CREB5: variants seen among roughly 807,000 people sequenced by gnomAD.
The protein encoded by CREB5 is cyclic AMP-responsive element-binding protein 5.
CREB5 carries 19 observed loss-of-function variants against 57.1 expected under a neutral mutation model. The ratio of observed to expected loss-of-function variants is 0.33; its 90% confidence interval spans 0.23 to 0.49. The LOEUF is 0.49. Among genes scored for constraint, CREB5 ranks in the 20% least tolerant of loss-of-function variants. The pLI, the probability that CREB5 is intolerant of heterozygous loss-of-function variation, is 0.99. For synonymous variants in CREB5, 238 were observed against 238.3 expected (o/e 1.00, Z 0.01); for missense variants, 579 against 671.6 (o/e 0.86, Z 1.52).
In CREB5 at chr7:28,550,440, C is replaced by A. The variant is rs555083716; in HGVS notation, c.292-19925C>A. Among the ~76,000 whole-genome samples the A allele has an allele frequency of 7.5e-4, 114 of 152,290 alleles. 1 individual carries two copies. In the Middle Eastern group the frequency reaches 0.017, roughly 23 times the overall value. ...GAGCAATGCCTGGTTGTGGAGGGGG[C>A]TGAAAGAGAAGTTGGACTCAAAATG... On this transcript the variant is annotated intron_variant, in intron 4 of 10. Transcript: ENST00000357727.
At chr7:28,680,870 A>C (rs1236094155) in intron 5 of CREB5, among the ~76,000 whole-genome samples, 1 of 151,940 alleles carries the variant, frequency 6.6e-6, no homozygotes, top group African/African-American at 2.4e-5. Context: ...AACTGACATC[A>C]CCTTTCTTTG....
chr7:28,300,710 G>A (rs1294555136), intron 1 of CREB5, among the ~76,000 whole-genome samples: 2 of 152,196 alleles, frequency 1.3e-5, no homozygotes, highest in African/African-American at 2.4e-5. Context: ...CATTTCACAC[G>A]GAGTTAGGGA....
At chr7:28,483,619 C>T (rs1352150900) in intron 1 of CREB5, among the ~76,000 whole-genome samples, 1 of 152,126 alleles carries the variant, frequency 6.6e-6, no homozygotes, top group African/African-American at 2.4e-5. Flanking sequence ...ATGACAGTGT[C>T]TAACCAAAGG....
At chr7:28,655,926 T>A (rs559758461) in intron 5 of CREB5, among the ~76,000 whole-genome samples, 145 of 152,304 alleles carry the variant, frequency 9.5e-4, no homozygotes, top group Non-Finnish European at 1.4e-3. Context: ...ATAACAGGAT[T>A]TAATTAATCC....
intron 5 of CREB5, among the ~76,000 whole-genome samples, chr7:28,583,647 C>T (rs1259571433): frequency 1.3e-5 from 2 of 152,106 alleles, no homozygotes; most frequent in Admixed American, 6.6e-5. Context: ...TGGGCAGAGC[C>T]GCCTGTGCTT....
chr7:28,446,067 T>C (rs1208280379), intron 1 of CREB5, among the ~76,000 whole-genome samples: 2 of 152,234 alleles, frequency 1.3e-5, no homozygotes, highest in Non-Finnish European at 2.9e-5. Context: ...AAGTCAACTA[T>C]ACCAGACACC....
At chr7:28,417,775 G>A (rs1450290019) in intron 1 of CREB5, among the ~76,000 whole-genome samples, 1 of 152,142 alleles carries the variant, frequency 6.6e-6, no homozygotes, top group Non-Finnish European at 1.5e-5. Flanking sequence ...AGGGCAGCAA[G>A]CAGTTGTTAC....
At chr7:28,472,226 G>A (rs1790853890) in intron 1 of CREB5, among the ~76,000 whole-genome samples, 1 of 151,110 alleles carries the variant, frequency 6.6e-6, no homozygotes, top group South Asian at 2.1e-4. Flanking sequence ...TCCACATCTT[G>A]TTTTCAAGGT....
chr7:28,430,933 C>A (rs1173660966), intron 1 of CREB5, among the ~76,000 whole-genome samples: 3 of 152,058 alleles, frequency 2.0e-5, no homozygotes, highest in Non-Finnish European at 4.4e-5. Flanking sequence ...CCAGACTCAC[C>A]TGGTATTGCA....
chr7:28,421,926 ATG>A (rs67101965), intron 1 of CREB5, among the ~76,000 whole-genome samples: 130 of 145,134 alleles, frequency 9.0e-4, no homozygotes, highest in East Asian at 3.7e-3. Flanking sequence ...ATGTGTGTGT[ATG>A]TGTATATATA....
intron 3 of CREB5, among the ~76,000 whole-genome samples, chr7:28,495,239 T>C (rs1423152421): frequency 6.6e-6 from 1 of 152,160 alleles, no homozygotes; most frequent in East Asian, 1.9e-4. Flanking sequence ...ATAAGTTGTT[T>C]TAAAAATCAC....
At chr7:28,323,563 T>C (rs1464269616) in intron 1 of CREB5, among the ~76,000 whole-genome samples, 1 of 152,134 alleles carries the variant, frequency 6.6e-6, no homozygotes, top group African/African-American at 2.4e-5. Flanking sequence ...GTACCACTTT[T>C]CGGCTCCTGA....
chr7:28,687,534 C>T (rs1410769035), intron 5 of CREB5, among the ~76,000 whole-genome samples: 4 of 146,026 alleles, frequency 2.7e-5, no homozygotes, highest in Non-Finnish European at 6.0e-5. Flanking sequence ...TTTCTGACAC[C>T]ATCCGGCATT....
chr7:28,776,109 G>A (rs959221086), intron 7 of CREB5, among the ~76,000 whole-genome samples: 16 of 152,056 alleles, frequency 1.1e-4, no homozygotes, highest in African/African-American at 1.4e-4. Context: ...AGGCCGAGGC[G>A]GGCGGATCAT....
chr7:28,350,766 C>T (rs1372935025), intron 1 of CREB5, among the ~76,000 whole-genome samples: 1 of 151,488 alleles, frequency 6.6e-6, no homozygotes, highest in African/African-American at 2.4e-5. Flanking sequence ...GTGTGGGGAG[C>T]TGGAGGAGGA....
intron 1 of CREB5, among the ~76,000 whole-genome samples, chr7:28,342,847 C>T (rs1272711703): frequency 1.3e-5 from 2 of 152,128 alleles, no homozygotes; most frequent in African/African-American, 4.8e-5. Flanking sequence ...GTGTAATGAT[C>T]AAATCAGGGT....
intron 5 of CREB5, among the ~76,000 whole-genome samples, chr7:28,648,821 AC>A: frequency 6.6e-6 from 1 of 152,332 alleles, no homozygotes; most frequent in South Asian, 2.1e-4. Context: ...TCCATAATAT[AC>A]TTAAAGACTC....
At chr7:28,672,985 C>A (rs1368058845) in intron 5 of CREB5, among the ~76,000 whole-genome samples, 1 of 152,054 alleles carries the variant, frequency 6.6e-6, no homozygotes, top group East Asian at 1.9e-4. Flanking sequence ...CCCCTGGACC[C>A]CAGAAACCAC....
chr7:28,682,228 C>T lies in CREB5; in HGVS notation c.465-36525C>T, dbSNP rs1800631699. 7.9e-5 allele frequency among the ~76,000 whole-genome samples: 12 copies of T among 152,334 alleles called. 1 individual carries two copies. In the South Asian group the frequency reaches 2.5e-3, roughly 32 times the overall value. ...CTCTGGGAGCACCTGGAGCTGACTTCAGCAGGGCTGACAATTTAAGCCAGT... is the reference window on the plus strand; with the variant it reads ...CTCTGGGAGCACCTGGAGCTGACTTTAGCAGGGCTGACAATTTAAGCCAGT... On this transcript the variant is annotated intron_variant, in intron 5 of 10. Transcript: ENST00000357727.
Sources: allele counts gnomAD v4.1 joint callset (sites outside exome capture counted in the v4.1 genomes callset), GRCh38; gene constraint gnomAD v4.1.1; transcripts MANE v1.5; gene names NCBI Gene and HGNC (gene_info 2026-07-23, HGNC 2026-07-21).